Variants in ROBO2 observed in about 807,000 individuals in gnomAD.
The protein encoded by ROBO2 is roundabout guidance receptor 2.
Under a neutral mutation model 160.8 loss-of-function variants are expected in ROBO2, and 53 were observed. That is an observed-to-expected ratio of 0.33 (90% CI 0.26 to 0.41). ROBO2 has a LOEUF of 0.41. ROBO2 is among the 10% of genes least tolerant of loss of function. The pLI is 1.00. For missense variants in ROBO2, 1,577 were observed against 1,722.4 expected (o/e 0.92, Z 1.49); for synonymous variants, 664 against 611.7 (o/e 1.09, Z -1.26).
At chr3:76,562,577 C>A (rs1472534358) in intron 2 of ROBO2, among the ~76,000 whole-genome samples, 1 of 152,026 alleles carries the variant, frequency 6.6e-6, no homozygotes, top group Non-Finnish European at 1.5e-5. Context: ...TTCAAATGCT[C>A]TTCTACTCTT....
intron 2 of ROBO2, among the ~76,000 whole-genome samples, chr3:76,767,604 T>G (rs1375836851): frequency 6.6e-6 from 1 of 151,558 alleles, no homozygotes; most frequent in Non-Finnish European, 1.5e-5. Context: ...ACCATTTTAG[T>G]GCAGAACAAC....
At chr3:76,236,342 T>C (rs1335061825) in intron 2 of ROBO2, among the ~76,000 whole-genome samples, 1 of 152,164 alleles carries the variant, frequency 6.6e-6, no homozygotes, top group Non-Finnish European at 1.5e-5. Flanking sequence ...ATCTTGGTTT[T>C]GGAGGCTTTA....
Position 76,751,883 on chromosome 3 carries a change from G to GC in ROBO2, c.110-346130dup, listed in dbSNP as rs948026561. 4.5e-4 allele frequency among the ~76,000 whole-genome samples: 68 copies of GC among 152,244 alleles called. 1 individual carries two copies. Among genetic ancestry groups the GC allele is most frequent in the African/African-American group, 1.6e-3 (66 of 41,536 alleles). ...TTCAACCATTGTGGAAGACAGTGTGGCGATTCCTCAAGGATCTAGAACTAG... is the reference window on the plus strand; with the variant it reads ...TTCAACCATTGTGGAAGACAGTGTGGCCGATTCCTCAAGGATCTAGAACTAG... On this transcript the variant is annotated intron_variant, in intron 2 of 26. Coordinates refer to the ROBO2 transcript ENST00000487694.
chr3:77,206,878 T>C (rs1187285315), intron 2 of ROBO2, among the ~76,000 whole-genome samples: 1 of 152,062 alleles, frequency 6.6e-6, no homozygotes, highest in African/African-American at 2.4e-5. Flanking sequence ...CCAGAATCCA[T>C]TGATGAAAGA....
At chr3:77,400,030 C>T (rs920359817) in intron 2 of ROBO2, among the ~76,000 whole-genome samples, 3 of 151,972 alleles carry the variant, frequency 2.0e-5, no homozygotes, top group Non-Finnish European at 4.4e-5. Context: ...TTTGTGTGGC[C>T]AGACAGCAGA....
At chr3:76,218,737 C>T (rs557529278) in intron 2 of ROBO2, among the ~76,000 whole-genome samples, 75 of 152,196 alleles carry the variant, frequency 4.9e-4, no homozygotes, top group African/African-American at 1.6e-3. Flanking sequence ...GGCCATACTG[C>T]CCAAGGTAAT....
At chr3:76,908,696 CACAAGT>C (rs2075775881) in intron 2 of ROBO2, among the ~76,000 whole-genome samples, 1 of 152,132 alleles carries the variant, frequency 6.6e-6, no homozygotes, top group Admixed American at 6.5e-5. Context: ...CCAGAGAAAT[CACAAGT>C]ACAAGTGAAA....
At chr3:77,120,583 T>C (rs2074654415) in intron 2 of ROBO2, among the ~76,000 whole-genome samples, 1 of 152,236 alleles carries the variant, frequency 6.6e-6, no homozygotes, top group Admixed American at 6.5e-5. Context: ...GACGTCGTTA[T>C]GCTCATTTTA....
intron 2 of ROBO2, among the ~76,000 whole-genome samples, chr3:76,608,555 T>C (rs1429642478): frequency 6.6e-6 from 1 of 152,190 alleles, no homozygotes; most frequent in Non-Finnish European, 1.5e-5. Flanking sequence ...TTTCCTTTGC[T>C]GTGCAGAAGA....
Position 75,937,297 on chromosome 3 carries a change from G to GATTAAAGATTAA in ROBO2, c.-13-183_-13-182insTTAAAGATTAAA, listed in dbSNP as rs1273514403. Among the ~76,000 whole-genome samples, 37 of 152,194 alleles carry GATTAAAGATTAA rather than the reference G, an allele frequency of 2.4e-4. 1 individual carries two copies. Among genetic ancestry groups the GATTAAAGATTAA allele is most frequent in the African/African-American group, 8.7e-4 (36 of 41,540 alleles). On this transcript the variant is annotated intron_variant, in intron 1 of 26. Coordinates refer to the ROBO2 transcript ENST00000487694. ...CTTAGAATAAAGATTAAAGATGAATGAGCTTTCATATTAATCATCAATATG... is the reference window on the plus strand; with the variant it reads ...CTTAGAATAAAGATTAAAGATGAATGATTAAAGATTAAAGCTTTCATATTAATCATCAATATG...
At chr3:75,968,926 G>A (rs1208016977) in intron 2 of ROBO2, among the ~76,000 whole-genome samples, 2 of 103,828 alleles carry the variant, frequency 1.9e-5, no homozygotes. Context: ...TACTTGGCTT[G>A]TTTTAGATAG....
At chr3:77,542,955 C>T (rs1452202791) in intron 6 of ROBO2, among the ~76,000 whole-genome samples, 1 of 151,990 alleles carries the variant, frequency 6.6e-6, no homozygotes. Flanking sequence ...ATCATCTGTC[C>T]CTATCTATAT....
intron 1 of ROBO2, among the ~76,000 whole-genome samples, chr3:75,913,561 C>T (rs1946685753): frequency 1.3e-5 from 2 of 152,130 alleles, no homozygotes; most frequent in South Asian, 4.1e-4. Flanking sequence ...ATAACAGCTA[C>T]TGATAAATTA....
rs552641642 is a variant in ROBO2, at chr3:77,292,893, C to T, written c.389-184521C>T. On this transcript the variant is annotated intron_variant, in intron 2 of 25. Coordinates refer to ENST00000461745, the Ensembl canonical transcript of ROBO2. Reference sequence around the variant, plus strand: ...ACATAAAGTAAAATTGACGATTAAACGGTAAGCTGAGGCTAGATCACCAAA... The same window carrying T: ...ACATAAAGTAAAATTGACGATTAAATGGTAAGCTGAGGCTAGATCACCAAA... 1.3e-4 allele frequency among the ~76,000 whole-genome samples: 19 copies of T among 141,180 alleles called. 1 individual carries two copies. Among genetic ancestry groups the T allele is most frequent in the East Asian group, 8.9e-4 (4 of 4,500 alleles). The allele number at this position is 141,180 out of a possible 152,430, so 92.6% of individuals were successfully genotyped here.
chr3:77,515,625 A>T (rs893966458), intron 5 of ROBO2, among the ~76,000 whole-genome samples: 4 of 151,842 alleles, frequency 2.6e-5, no homozygotes, highest in African/African-American at 7.2e-5. Context: ...AATTCTGAGA[A>T]GCAGCTACTC....
chr3:75,984,715 G>A (rs1489070359), intron 2 of ROBO2, among the ~76,000 whole-genome samples: 1 of 151,370 alleles, frequency 6.6e-6, no homozygotes, highest in Admixed American at 6.6e-5. Flanking sequence ...ATGAGGAATG[G>A]AGAAGTTAAC....
chr3:76,620,543 TA>T (rs2088983452), intron 2 of ROBO2, among the ~76,000 whole-genome samples: 1 of 152,158 alleles, frequency 6.6e-6, no homozygotes, highest in South Asian at 2.1e-4. Flanking sequence ...AATATAAAAT[TA>T]GGGGTAAACC....
At chr3:76,108,301 T>C (rs574224265) in intron 2 of ROBO2, among the ~76,000 whole-genome samples, 12 of 152,160 alleles carry the variant, frequency 7.9e-5, no homozygotes, top group African/African-American at 2.6e-4. Flanking sequence ...TTGGTTTAGT[T>C]GTTATTATTT....
At chr3:75,947,600 A>G (rs1948359827) in intron 2 of ROBO2, among the ~76,000 whole-genome samples, 1 of 152,166 alleles carries the variant, frequency 6.6e-6, no homozygotes, top group South Asian at 2.1e-4. Flanking sequence ...GAGTGTTGAT[A>G]GAAAAGAGAG....
Sources: gnomAD v4.1 joint callset for allele counts (sites outside exome capture counted in the v4.1 genomes callset) on GRCh38, gnomAD v4.1.1 for gene constraint, MANE v1.5 for transcripts, NCBI Gene and HGNC (gene_info 2026-07-23, HGNC 2026-07-21) for gene names.